GCN1: variants seen among roughly 807,000 people sequenced by gnomAD.
GCN1 encodes the protein stalled ribosome sensor GCN1.
A neutral mutation model predicts 288.4 loss-of-function variants in GCN1; 90 were observed. The observed-to-expected ratio is 0.31, with a 90% CI of 0.26 to 0.37. The LOEUF is 0.37. Ranked by LOEUF, GCN1 falls within the 10% of genes least tolerant of loss-of-function variation. GCN1 has a pLI of 1.00. For synonymous variants in GCN1, 1,386 were observed against 1,420.2 expected (o/e 0.98, Z 0.54); for missense variants, 2,586 against 3,419.9 (o/e 0.76, Z 6.08).
intron 15 of GCN1, among the ~76,000 whole-genome samples, chr12:120,168,913 C>T (rs1371062437): frequency 4.6e-5 from 7 of 152,158 alleles, no homozygotes; most frequent in Admixed American, 4.6e-4. Flanking sequence ...ACAGTGAGCA[C>T]ACGATATTAC....
intron 1 of GCN1, among the ~76,000 whole-genome samples, chr12:120,191,893 T>G (rs1169892914): frequency 6.6e-6 from 1 of 152,138 alleles, no homozygotes; most frequent in Non-Finnish European, 1.5e-5. Context: ...TGCTTCTTGA[T>G]TTTTCAGTTT....
intron 38 of GCN1, among the ~76,000 whole-genome samples, chr12:120,146,132 T>G (rs1877353066): frequency 6.6e-6 from 1 of 151,606 alleles, no homozygotes. Flanking sequence ...CCAGGCATGG[T>G]GGTGGGCGGC....
rs750673834 is a variant in GCN1, at chr12:120,142,684, C to G, written c.5652G>C (p.Arg1884=). The stretch of plus-strand genomic sequence containing the variant: ...GGCCCATGTACAGCCCTGCCAACAC[C>G]CGGTTCCGCCGCTCTACCCCCAGGG... ...ITALGVERRN[R]VLAGLYMGRS... Residue 1884 remains arginine (R), a synonymous_variant, in exon 44 of 58, where the codon CGG becomes CGC. Transcript: ENST00000300648. The surrounding 1 kb of genome is among the most constrained non-coding windows in gnomAD (Gnocchi z 4.9). 3 of 1,613,962 alleles carry G rather than the reference C, an allele frequency of 1.9e-6. No individual in the cohort carries two copies. The African/African-American group carries it at 4.0e-5, about 22-fold the overall frequency.
In GCN1 at chr12:120,129,133, T is replaced by C. The variant is rs1353240251; in HGVS notation, c.7890+143A>G. The C allele has an allele frequency of 4.1e-6, 3 of 731,876 alleles. No individual in the cohort carries two copies. The African/African-American group carries it at 5.3e-5, about 13-fold the overall frequency. The allele number at this position is 731,876 out of a possible 1,614,324, so 45.3% of individuals were successfully genotyped here. On this transcript the variant is annotated intron_variant, in intron 57 of 57. Transcript: ENST00000300648. ...CGCGAGCCACCGCGCCCGGCCCCAGTCACCCAAATCTTAATCTGCTCCTGA... is the reference window on the plus strand; with the variant it reads ...CGCGAGCCACCGCGCCCGGCCCCAGCCACCCAAATCTTAATCTGCTCCTGA...
At chr12:120,187,283 G>A (rs990543057) in intron 2 of GCN1, among the ~76,000 whole-genome samples, 5 of 150,870 alleles carry the variant, frequency 3.3e-5, no homozygotes, top group African/African-American at 7.3e-5. Flanking sequence ...CGCAATCTCA[G>A]CTCACTGCAA....
chr12:120,145,237 A>G, intron 39 of GCN1, 25 bp downstream of exon 39: 1 of 1,578,086 alleles, frequency 6.3e-7, no homozygotes. Context: ...GGCCTGGCCC[A>G]TCCCCCAGCC....
intron 15 of GCN1, among the ~76,000 whole-genome samples, chr12:120,168,725 C>G (rs1365743191): frequency 1.3e-5 from 2 of 152,178 alleles, no homozygotes; most frequent in African/African-American, 4.8e-5. Flanking sequence ...CAATACCCAC[C>G]CCCCCAACTA....
In GCN1 at chr12:120,151,375, G is replaced by T; in HGVS notation, c.4079C>A (p.Ala1360Asp). The T allele has an allele frequency of 6.2e-7, 1 of 1,613,614 alleles. No individual in the cohort carries two copies. ...TPSQQVQESV[A>D]SCLPPLVPAI... ...TGGCACAAGGGGTGGCAAGCAGCTG[G>T]CTACGGACTCCTGGACCTGGGGAAG... The change falls in exon 34 of 58, where the codon GCC (alanine) becomes GAC (aspartate). Residue 1360 changes from alanine to aspartate, a missense_variant. Physicochemically the swap from Ala to Asp is moderately radical, Grantham distance 126. This residue lies in a region of GCN1 where 332 missense variants were observed against 403.0 expected (regional missense o/e 0.82). Transcript: ENST00000300648.
At position 120,156,433 on chromosome 12, in the gene GCN1, T is replaced by G. The variant is rs2139109330; in HGVS notation, c.3312+28A>C. 1.2e-6 allele frequency: 2 copies of G among 1,609,022 alleles called. No homozygotes were observed. The highest frequency in any genetic ancestry group is 1.1e-5 in the South Asian group (1 of 90,900). ...ACTTGCATAGAGTGACAAGGGACAC[T>G]GCAGTGGCTCTGAGACTGAGCACAC... On this transcript the variant is annotated intron_variant, in intron 28 of 57. Coordinates refer to ENST00000300648, the MANE Select transcript of GCN1 (RefSeq NM_006836.2). This position sits in a 1 kb window ranked among gnomAD's most constrained non-coding sequence, Gnocchi z 5.8.
At chr12:120,168,508 A>G (rs1026279183) in intron 15 of GCN1, 4 of 507,872 alleles carry the variant, frequency 7.9e-6, no homozygotes, top group Middle Eastern at 1.1e-3. Flanking sequence ...TGCTGCCTAC[A>G]GGATCCTAGG....
chr12:120,185,434 G>A (rs2139142513), intron 2 of GCN1, among the ~76,000 whole-genome samples: 1 of 152,318 alleles, frequency 6.6e-6, no homozygotes, highest in East Asian at 1.9e-4. Context: ...GATACATGTA[G>A]AGTGCAGGGT....
intron 9 of GCN1, 92 bp downstream of exon 9, chr12:120,177,355 C>T (rs1285066975): frequency 1.5e-6 from 1 of 680,166 alleles, no homozygotes; most frequent in African/African-American, 1.8e-5. Flanking sequence ...CTTCCCTCCC[C>T]CCTACCACAC....
intron 7 of GCN1, among the ~76,000 whole-genome samples, chr12:120,178,399 C>T (rs1378876151): frequency 3.9e-5 from 6 of 152,212 alleles, no homozygotes; most frequent in Non-Finnish European, 8.8e-5. Context: ...ACTGCATGAA[C>T]AAGCAAACTA....
chr12:120,140,931 A>C lies in GCN1; in HGVS notation c.5922T>G (p.Ser1974=). 8 of 1,614,088 alleles carry C rather than the reference A, an allele frequency of 5.0e-6. No homozygotes were observed. The highest frequency in any genetic ancestry group is 6.8e-6 in the Non-Finnish European group (8 of 1,179,980). The change falls in exon 45 of 58, where the codon TCT becomes TCG. Residue 1974 remains serine, a synonymous_variant. Coordinates refer to ENST00000300648, the MANE Select transcript of GCN1 (RefSeq NM_006836.2). Reference sequence around the variant, plus strand: ...CACCCTGCCTCTCATCGCTCTTCTGAGACCTCAGGCCTTCCTCAAGGATGG... The same window carrying C: ...CACCCTGCCTCTCATCGCTCTTCTGCGACCTCAGGCCTTCCTCAAGGATGG... The part of the protein sequence containing the change: ...IIPILEEGLR[S]QKSDERQGVC...
At chr12:120,148,064 G>A (rs985656457) in intron 37 of GCN1, 103 bp downstream of exon 37, 46 of 786,164 alleles carry the variant, frequency 5.9e-5, no homozygotes, top group Non-Finnish European at 8.6e-5. Context: ...ATTTGTCCTC[G>A]GAGGCAAAGA....
In GCN1 at chr12:120,163,189, G is replaced by A; in HGVS notation, c.1919C>T (p.Pro640Leu). 1.2e-6 allele frequency: 2 copies of A among 1,614,054 alleles called. No homozygotes were observed. The highest frequency in any genetic ancestry group is 2.2e-5 in the East Asian group (1 of 44,876). The change falls in exon 19 of 58, where the codon CCA (proline) becomes CTA (leucine). Residue 640 changes from proline (P) to leucine (L), a missense_variant. Coordinates refer to ENST00000300648, the MANE Select transcript of GCN1 (RefSeq NM_006836.2). ...VTEAGKAYVP[P>L]RVLQEALCVI... ...ACACAGAGCCTCCTGCAGGACCCGT[G>A]GAGGCACGTAGGCCTTGCCTGCCTC...
In GCN1 at chr12:120,153,730, T is replaced by C; in HGVS notation, c.3867+14A>G. ...TACCTTCCCGTGGGTGTTCCCTGGCTGGGACCCCCTTACCTTCCCATGAGT... is the reference window on the plus strand; with the variant it reads ...TACCTTCCCGTGGGTGTTCCCTGGCCGGGACCCCCTTACCTTCCCATGAGT... On this transcript the variant is annotated intron_variant, in intron 32 of 57. Transcript: ENST00000300648. The surrounding 1 kb of genome is among the most constrained non-coding windows in gnomAD (Gnocchi z 4.4). The C allele has an allele frequency of 6.2e-7, 1 of 1,612,680 alleles. No homozygotes were observed. The highest frequency in any genetic ancestry group is 8.5e-7 in the Non-Finnish European group (1 of 1,179,100).
intron 56 of GCN1, among the ~76,000 whole-genome samples, chr12:120,130,161 G>T: frequency 6.6e-6 from 1 of 152,156 alleles, no homozygotes; most frequent in East Asian, 1.9e-4. Context: ...CCCTGGCTCT[G>T]ACTTCTGTGC....
At chr12:120,177,781 C>A in intron 7 of GCN1, 29 bp from the exon 8 acceptor site, 1 of 1,520,566 alleles carries the variant, frequency 6.6e-7, no homozygotes, top group Non-Finnish European at 9.1e-7. Flanking sequence ...TGGTTAGATC[C>A]TGACATTCTC....
Sources: allele counts gnomAD v4.1 joint callset (sites outside exome capture counted in the v4.1 genomes callset), GRCh38; gene constraint gnomAD v4.1.1; regional missense constraint gnomAD v4.1.1; non-coding constraint Gnocchi (gnomAD v3.1); transcripts MANE v1.5; gene names NCBI Gene and HGNC (gene_info 2026-07-23, HGNC 2026-07-21).